Variants in BCAS3 observed in about 807,000 individuals in gnomAD.
BCAS3 encodes the protein BCAS3 microtubule associated cell migration factor, also known as BCAS4/BCAS3 fusion.
A neutral mutation model predicts 116.1 loss-of-function variants in BCAS3; 53 were observed. The ratio of observed to expected loss-of-function variants is 0.46; its 90% confidence interval spans 0.37 to 0.57. The LOEUF is 0.57. Among genes scored for constraint, BCAS3 ranks in the 20% least tolerant of loss-of-function variants. The pLI, the probability that BCAS3 is intolerant of heterozygous loss-of-function variation, is 0.00. For missense variants in BCAS3, 917 were observed against 1,165.4 expected (o/e 0.79, Z 3.10); for synonymous variants, 391 against 408.2 (o/e 0.96, Z 0.51).
intron 10 of BCAS3, 23 bp from the exon 11 acceptor site, chr17:60,902,597 T>TTC (rs1305799142): frequency 1.3e-5 from 20 of 1,551,326 alleles, no homozygotes; most frequent in East Asian, 2.2e-5. Flanking sequence ...GACGTTCTGC[T>TTC]TCTCTCTCTC....
intron 22 of BCAS3, among the ~76,000 whole-genome samples, chr17:61,269,708 T>A (rs1568714000): frequency 2.6e-5 from 4 of 152,230 alleles, no homozygotes; most frequent in Non-Finnish European, 5.9e-5. Flanking sequence ...ATGATAGTAA[T>A]GTTCTGCTAG....
At chr17:60,998,292 G>A (rs959730814) in intron 15 of BCAS3, among the ~76,000 whole-genome samples, 2 of 152,164 alleles carry the variant, frequency 1.3e-5, no homozygotes, top group African/African-American at 4.8e-5. Flanking sequence ...ATTGTGAATA[G>A]AACTGCGATG....
intron 22 of BCAS3, among the ~76,000 whole-genome samples, chr17:61,299,442 C>CAAAAAAAA (rs538072648): frequency 3.5e-5 from 2 of 57,164 alleles, no homozygotes; most frequent in Non-Finnish European, 7.0e-5. Context: ...GACTCCATCT[C>CAAAAAAAA]AAAAAAAAAA....
intron 22 of BCAS3, among the ~76,000 whole-genome samples, chr17:61,216,252 A>G: frequency 6.6e-6 from 1 of 152,190 alleles, no homozygotes; most frequent in Non-Finnish European, 1.5e-5. Flanking sequence ...CCTGAGACAG[A>G]TGAGTGGATT....
intron 23 of BCAS3, among the ~76,000 whole-genome samples, chr17:61,370,449 C>A (rs766218224): frequency 6.6e-6 from 1 of 151,986 alleles, no homozygotes; most frequent in Non-Finnish European, 1.5e-5. Context: ...AGTGCTATGG[C>A]ACAATCTTGG....
intron 14 of BCAS3, among the ~76,000 whole-genome samples, chr17:60,963,453 T>C (rs1019693171): frequency 6.6e-6 from 1 of 152,074 alleles, no homozygotes; most frequent in African/African-American, 2.4e-5. Context: ...TTTAGTTAGA[T>C]TGAGACCTAG....
chr17:61,346,180 T>G lies in BCAS3; in HGVS notation c.2426-22147T>G, dbSNP rs1156784683. ...TGCAGAGTCCAGTGACAAGGATGTT[T>G]GGGACAGATTTTGTGAGCTCTGAGC... is the stretch of plus-strand genomic sequence containing the variant. On this transcript the variant is annotated intron_variant, in intron 22 of 23. Coordinates refer to ENST00000407086, the MANE Select transcript of BCAS3 (RefSeq NM_017679.5). The surrounding 1 kb of genome is among the most constrained non-coding windows in gnomAD (Gnocchi z 5.4). Among the ~76,000 whole-genome samples the G allele has an allele frequency of 6.6e-6, 1 of 152,170 alleles. No individual in the cohort carries two copies. Among genetic ancestry groups the G allele is most frequent in the Non-Finnish European group, 1.5e-5 (1 of 68,024 alleles).
intron 22 of BCAS3, among the ~76,000 whole-genome samples, chr17:61,094,950 G>A (rs1000600215): frequency 3.3e-5 from 5 of 152,150 alleles, no homozygotes; most frequent in African/African-American, 7.2e-5. Flanking sequence ...AACATTTTCC[G>A]AATGACCAGT....
chr17:61,291,158 A>C (rs2052373060), intron 22 of BCAS3, among the ~76,000 whole-genome samples: 1 of 152,232 alleles, frequency 6.6e-6, no homozygotes, highest in African/African-American at 2.4e-5. Context: ...TTCAGCAAAC[A>C]TTTGATGAAC....
At position 61,256,857 on chromosome 17, in the gene BCAS3, G is replaced by A. The variant is rs1386091048; in HGVS notation, c.2426-111470G>A. 6.6e-6 allele frequency among the ~76,000 whole-genome samples: 1 copy of A among 152,134 alleles called. No homozygotes were observed. Among genetic ancestry groups the A allele is most frequent in the Non-Finnish European group, 1.5e-5 (1 of 68,030 alleles). On this transcript the variant is annotated intron_variant, in intron 22 of 23. Transcript: ENST00000407086. This position sits in a 1 kb window ranked among gnomAD's most constrained non-coding sequence, Gnocchi z 5.6. ...CCCAGCCCATGCAGATGGTATTTGAGCCACTTACAAGAAAAGGTGAACCTT... is the reference window on the plus strand; with the variant it reads ...CCCAGCCCATGCAGATGGTATTTGAACCACTTACAAGAAAAGGTGAACCTT...
At position 61,188,883 on chromosome 17, in the gene BCAS3, G is replaced by C. The variant is rs527855964; in HGVS notation, c.2425+104319G>C. ...CCCAGCACGTTGGGAGGCTGAGGTG[G>C]GAGGAGCCTGGGAGGTTGAGACCAG... On this transcript the variant is annotated intron_variant, in intron 22 of 23. Coordinates refer to ENST00000407086, the MANE Select transcript of BCAS3 (RefSeq NM_017679.5). This position sits in a 1 kb window ranked among gnomAD's most constrained non-coding sequence, Gnocchi z 4.0. Among the ~76,000 whole-genome samples, 3 of 152,306 alleles carry C rather than the reference G, an allele frequency of 2.0e-5. No homozygotes were observed. Among genetic ancestry groups the C allele is most frequent in the African/African-American group, 7.2e-5 (3 of 41,562 alleles).
At chr17:60,903,520 A>C (rs1046188635) in intron 11 of BCAS3, among the ~76,000 whole-genome samples, 1 of 152,192 alleles carries the variant, frequency 6.6e-6, no homozygotes, top group East Asian at 1.9e-4. Flanking sequence ...TTTTCTTAAG[A>C]CAGGGTCTCG....
rs747874955 is a variant in BCAS3, at chr17:61,224,138, GCTTTAT to G, written c.2425+139581_2425+139586del. Among the ~76,000 whole-genome samples, 17 of 152,194 alleles carry G rather than the reference GCTTTAT, an allele frequency of 1.1e-4. No homozygotes were observed. Among genetic ancestry groups the G allele is most frequent in the Non-Finnish European group, 2.2e-4 (15 of 67,988 alleles). ...TATAGAAAGCAGTTTTTATTTTTATGCTTTATCTTTATTATTTTCCCATTGATTTAT... is the reference window on the plus strand; with the variant it reads ...TATAGAAAGCAGTTTTTATTTTTATGCTTTATTATTTTCCCATTGATTTAT... On this transcript the variant is annotated intron_variant, in intron 22 of 23. Coordinates refer to ENST00000407086, the MANE Select transcript of BCAS3 (RefSeq NM_017679.5). The surrounding 1 kb of genome is among the most constrained non-coding windows in gnomAD (Gnocchi z 5.7).
intron 22 of BCAS3, among the ~76,000 whole-genome samples, chr17:61,152,585 C>T (rs1205906516): frequency 1.3e-5 from 2 of 152,026 alleles, no homozygotes; most frequent in African/African-American, 4.8e-5. Flanking sequence ...ATGTTGAGCC[C>T]AACCTCAGAT....
In BCAS3 at chr17:61,390,735, G is replaced by A. The variant is rs2060090204; in HGVS notation, c.2594-1242G>A. The A allele has an allele frequency of 6.6e-6, 1 of 152,538 alleles. No homozygotes were observed. The highest frequency in any genetic ancestry group is 1.5e-5 in the Non-Finnish European group (1 of 68,202). The allele number at this position is 152,538 out of a possible 1,614,324, so 9.4% of individuals were successfully genotyped here. A position where few individuals can be genotyped will look rare whatever the true frequency, so the allele number is the denominator to read the frequency against. The stretch of plus-strand genomic sequence containing the variant: ...AACCAGAGCCGGCTGTACTGCGCGT[G>A]TGGTGGCAGGGGGCCTGGGAGCGGT... On this transcript the variant is annotated intron_variant, in intron 23 of 23. Coordinates refer to ENST00000407086, the MANE Select transcript of BCAS3 (RefSeq NM_017679.5). The surrounding 1 kb of genome is among the most constrained non-coding windows in gnomAD (Gnocchi z 6.8).
chr17:60,903,487 T>A (rs2058027943), intron 11 of BCAS3, among the ~76,000 whole-genome samples: 1 of 152,246 alleles, frequency 6.6e-6, no homozygotes, highest in Non-Finnish European at 1.5e-5. Flanking sequence ...CTATGAGTTT[T>A]TAGATTTCAG....
chr17:61,303,153 A>C (rs116840211), intron 22 of BCAS3, among the ~76,000 whole-genome samples: 35 of 152,288 alleles, frequency 2.3e-4, no homozygotes, highest in African/African-American at 8.2e-4. Flanking sequence ...GATAGTATTG[A>C]TTTTCCAGAT....
chr17:60,698,522 C>T (rs1301386356), intron 4 of BCAS3, among the ~76,000 whole-genome samples: 1 of 151,950 alleles, frequency 6.6e-6, no homozygotes, highest in African/African-American at 2.4e-5. Flanking sequence ...GCTGTATCAC[C>T]ACCATCCAGA....
rs5821300 is a variant in BCAS3 at position 61,105,777 on chromosome 17, G to GAAA, written c.2425+21221_2425+21223dup. ...TTGCTTTAAGTGTTGGGAGAAAATGGAAAAAAAAAAGTTAGAGCTTTAGTA... is the reference window on the plus strand; with the variant it reads ...TTGCTTTAAGTGTTGGGAGAAAATGGAAAAAAAAAAAAAGTTAGAGCTTTAGTA... On this transcript the variant is annotated intron_variant, in intron 22 of 23. Coordinates refer to ENST00000407086, the MANE Select transcript of BCAS3 (RefSeq NM_017679.5). The surrounding 1 kb of genome is among the most constrained non-coding windows in gnomAD (Gnocchi z 4.3). 1.3e-5 allele frequency among the ~76,000 whole-genome samples: 2 copies of GAAA among 150,288 alleles called. No individual in the cohort carries two copies. Among genetic ancestry groups the GAAA allele is most frequent in the Non-Finnish European group, 3.0e-5 (2 of 67,564 alleles).
Sources: gnomAD v4.1 joint callset for allele counts (sites outside exome capture counted in the v4.1 genomes callset) on GRCh38, gnomAD v4.1.1 for gene constraint, Gnocchi (gnomAD v3.1) non-coding constraint, MANE v1.5 for transcripts, NCBI Gene and HGNC (gene_info 2026-07-23, HGNC 2026-07-21) for gene names.